Variants in RALA observed in about 807,000 individuals in gnomAD.
RALA encodes the protein ras-related protein Ral-A.
Under a neutral mutation model 24.0 loss-of-function variants are expected in RALA, and 5 were observed. That is an observed-to-expected ratio of 0.21 (90% confidence interval 0.11 to 0.44). The LOEUF (loss-of-function observed/expected upper bound fraction) is 0.44. RALA is among the 20% of genes least tolerant of loss of function. The pLI, the probability that RALA is intolerant of heterozygous loss-of-function variation, is 0.99. For missense variants in RALA, 95 were observed against 241.2 expected (o/e 0.39, Z 4.01); for synonymous variants, 77 against 83.8 (o/e 0.92, Z 0.44).
intron 1 of RALA, among the ~76,000 whole-genome samples, chr7:39,675,748 A>C (rs1346073813): frequency 3.7e-5 from 5 of 134,434 alleles, no homozygotes; most frequent in Non-Finnish European, 7.0e-5. Flanking sequence ...TTAAAAAAAA[A>C]AAAAAAAAAA....
chr7:39,688,179 G>C (rs771922131), intron 2 of RALA, among the ~76,000 whole-genome samples: 24 of 152,180 alleles, frequency 1.6e-4, no homozygotes, highest in Non-Finnish European at 1.9e-4. Context: ...GTAGGCTGGA[G>C]AATCACTTGA....
intron 1 of RALA, among the ~76,000 whole-genome samples, chr7:39,678,836 G>T (rs1792534869): frequency 2.0e-5 from 3 of 151,958 alleles, no homozygotes; most frequent in African/African-American, 2.4e-5. Context: ...TTTATGACTA[G>T]TTTTAATTAT....
intron 1 of RALA, among the ~76,000 whole-genome samples, chr7:39,628,891 A>G (rs1167427765): frequency 6.6e-6 from 1 of 152,210 alleles, no homozygotes; most frequent in Non-Finnish European, 1.5e-5. Flanking sequence ...TGAACAACTT[A>G]ATAAGTATGT....
intron 1 of RALA, among the ~76,000 whole-genome samples, chr7:39,638,837 C>T (rs1489184745): frequency 2.0e-5 from 3 of 152,178 alleles, no homozygotes; most frequent in African/African-American, 7.2e-5. Flanking sequence ...CATTCATGTA[C>T]AAGTCTTTGT....
chr7:39,686,601 G>A (rs1792707563), intron 1 of RALA, 30 bp from the exon 2 acceptor site: 1 of 1,216,186 alleles, frequency 8.2e-7, no homozygotes, highest in Non-Finnish European at 1.2e-6. Context: ...AGAATGTACT[G>A]AGCATTACTT....
chr7:39,628,594 C>T (rs990673322), intron 1 of RALA, among the ~76,000 whole-genome samples: 1 of 152,240 alleles, frequency 6.6e-6, no homozygotes. Context: ...CTCGCTCTTT[C>T]ACCCGTGCTG....
rs1367844393 is a variant in RALA at position 39,686,718 on chromosome 7, C to T, written c.51C>T (p.Val17=). The change falls in exon 2 of 5, where the codon GTC becomes GTT. Residue 17 remains valine, a synonymous_variant. Transcript: ENST00000005257. ...AGAATTCTTTGGCTTTACACAAAGT[C>T]ATCATGGTGGGCAGTGGTGGCGTGG... ...KGQNSLALHK[V]IMVGSGGVGK... The T allele has an allele frequency of 6.2e-7, 1 of 1,613,974 alleles. No homozygotes were observed. The highest frequency in any genetic ancestry group is 8.5e-7 in the Non-Finnish European group (1 of 1,180,024).
chr7:39,639,253 A>G (rs1293910686), intron 1 of RALA, among the ~76,000 whole-genome samples: 1 of 152,232 alleles, frequency 6.6e-6, no homozygotes, highest in African/African-American at 2.4e-5. Context: ...TACCTTTCAG[A>G]AAGATTGATA....
intron 2 of RALA, among the ~76,000 whole-genome samples, chr7:39,688,686 A>G (rs111566696): frequency 0.098 from 14,734 of 150,652 alleles, 784 homozygotes; most frequent in African/African-American, 0.14. Context: ...CGATCCTCCC[A>G]TTTCAGCCTT....
chr7:39,704,630 T>C (rs1361179356), intron 4 of RALA, among the ~76,000 whole-genome samples: 1 of 151,946 alleles, frequency 6.6e-6, no homozygotes, highest in Non-Finnish European at 1.5e-5. Context: ...TCTTAATTTA[T>C]TTTAATTTGA....
intron 2 of RALA, among the ~76,000 whole-genome samples, chr7:39,688,168 C>T (rs998886544): frequency 3.3e-5 from 5 of 152,252 alleles, no homozygotes; most frequent in East Asian, 3.9e-4. Context: ...TTAGGGAAGG[C>T]GTAGGCTGGA....
chr7:39,691,021 T>C (rs1266043215), intron 3 of RALA, among the ~76,000 whole-genome samples: 1 of 152,260 alleles, frequency 6.6e-6, no homozygotes, highest in Non-Finnish European at 1.5e-5. Flanking sequence ...CCTCAAAATA[T>C]AGATGCCCTG....
rs968553779 is a variant in RALA at position 39,707,911 on chromosome 7, C to T, written c.*1666C>T. ...AACACTGGCCAGCGGGCCCAGCAAT[C>T]TCCATGTGTACTTATTACAGTCTTA... On this transcript the variant is annotated 3_prime_UTR_variant, in exon 5 of 5. Transcript: ENST00000005257. The T allele has an allele frequency of 2.6e-5, 4 of 152,630 alleles. No individual in the cohort carries two copies. The highest frequency in any genetic ancestry group is 2.6e-4 in the Admixed American group (4 of 15,284). 9.5% of individuals were successfully genotyped at this position (152,630 alleles called of 1,614,324 possible).
At chr7:39,640,726 G>A (rs1432416224) in intron 1 of RALA, among the ~76,000 whole-genome samples, 1 of 152,098 alleles carries the variant, frequency 6.6e-6, no homozygotes, top group Non-Finnish European at 1.5e-5. Context: ...TATTGAAGCA[G>A]AATCAATTAA....
intron 1 of RALA, among the ~76,000 whole-genome samples, chr7:39,631,834 AGTATACCTGTGACTGG>A (rs1791603234): frequency 6.6e-6 from 1 of 152,220 alleles, no homozygotes; most frequent in South Asian, 2.1e-4. Context: ...TTGCTATGAA[AGTATACCTGTGACTGG>A]GTAATTCATA....
At chr7:39,664,436 C>T (rs1391493359) in intron 1 of RALA, among the ~76,000 whole-genome samples, 3 of 152,120 alleles carry the variant, frequency 2.0e-5, no homozygotes, top group African/African-American at 7.2e-5. Context: ...TTGGATAATG[C>T]CCCTGGCCAC....
intron 1 of RALA, among the ~76,000 whole-genome samples, chr7:39,642,076 A>G (rs1791827447): frequency 6.6e-6 from 1 of 152,334 alleles, no homozygotes; most frequent in South Asian, 2.1e-4. Flanking sequence ...GAGAGACTAA[A>G]GATCACCTCT....
chr7:39,625,605 A>G (rs1162527775), intron 1 of RALA, among the ~76,000 whole-genome samples: 1 of 152,218 alleles, frequency 6.6e-6, no homozygotes, highest in Admixed American at 6.5e-5. Flanking sequence ...ATTTTCCAAG[A>G]TCCAGATGCT....
intron 1 of RALA, among the ~76,000 whole-genome samples, chr7:39,632,893 C>A (rs1037788778): frequency 1.3e-5 from 2 of 152,132 alleles, no homozygotes; most frequent in Non-Finnish European, 2.9e-5. Context: ...GTCAACTTTC[C>A]TAGTGCATGG....
Sources: gnomAD v4.1 joint callset for allele counts (sites outside exome capture counted in the v4.1 genomes callset) on GRCh38, gnomAD v4.1.1 for gene constraint, MANE v1.5 for transcripts, NCBI Gene and HGNC (gene_info 2026-07-23, HGNC 2026-07-21) for gene names.